Variants in SLC4A10 observed in about 807,000 individuals in gnomAD.
SLC4A10 encodes solute carrier family 4 member 10, also known as sodium-driven chloride bicarbonate exchanger.
In SLC4A10, 42 loss-of-function variants were observed where a neutral mutation model predicts 137.7. The ratio of observed to expected loss-of-function variants is 0.30; its 90% CI spans 0.24 to 0.39. The LOEUF (loss-of-function observed/expected upper bound fraction) is 0.39. Among genes scored for constraint, SLC4A10 ranks in the 10% least tolerant of loss-of-function variants. The probability of loss-of-function intolerance (pLI) is 1.00; values close to 1 mark genes in which losing one functional copy is unlikely to be tolerated. For missense variants in SLC4A10, 925 were observed against 1,355.0 expected, an observed-to-expected ratio of 0.68 and a Z score of 4.98; for synonymous variants, 474 against 464.1, an observed-to-expected ratio of 1.02 and a Z score of -0.27.
chr2:161,910,342 C>G (rs1349936058), intron 15 of SLC4A10, among the ~76,000 whole-genome samples: 1 of 152,004 alleles, frequency 6.6e-6, no homozygotes. Context: ...TCAAGATCAT[C>G]TATTTAGTTT....
intron 2 of SLC4A10, 44 bp from the exon 3 acceptor site, chr2:161,804,405 G>A (rs770850151): frequency 6.3e-7 from 1 of 1,587,684 alleles, no homozygotes; most frequent in South Asian, 1.2e-5. Context: ...TCTGTGCCCT[G>A]GAATAATTCA....
intron 6 of SLC4A10, among the ~76,000 whole-genome samples, chr2:161,864,140 T>G (rs1435446818): frequency 2.0e-5 from 3 of 151,954 alleles, no homozygotes; most frequent in Non-Finnish European, 4.4e-5. Flanking sequence ...TGGCGGAGAT[T>G]GCAGTGAGCC....
intron 3 of SLC4A10, among the ~76,000 whole-genome samples, chr2:161,835,031 CTA>C (rs1187798723): frequency 1.7e-5 from 2 of 117,562 alleles, no homozygotes; most frequent in Admixed American, 1.1e-4. Flanking sequence ...ACCCTTAAGA[CTA>C]TATGTCTTTT....
intron 2 of SLC4A10, among the ~76,000 whole-genome samples, chr2:161,789,057 A>C (rs910941368): frequency 1.3e-5 from 2 of 152,212 alleles, no homozygotes; most frequent in African/African-American, 4.8e-5. Context: ...TGGCAACACA[A>C]GGACTAAGGT....
chr2:161,760,039 C>T (rs1469489954), intron 1 of SLC4A10, among the ~76,000 whole-genome samples: 1 of 151,868 alleles, frequency 6.6e-6, no homozygotes, highest in African/African-American at 2.4e-5. Flanking sequence ...TCTACTGTTT[C>T]AAATAATGTG....
Position 161,720,030 on chromosome 2 carries a change from C to G in SLC4A10, c.49-50943C>G, listed in dbSNP as rs2045455304. Reference sequence around the variant, plus strand: ...TTCTAGGGTTTTTATGGTTTTAGGTCTAACATTTAAGTCTTTAATCCATCT... The same window carrying G: ...TTCTAGGGTTTTTATGGTTTTAGGTGTAACATTTAAGTCTTTAATCCATCT... On this transcript the variant is annotated intron_variant, in intron 1 of 26. Transcript: ENST00000446997. Among the ~76,000 whole-genome samples, 4 of 152,096 alleles carry G rather than the reference C, an allele frequency of 2.6e-5. No individual in the cohort carries two copies. In the South Asian group the frequency reaches 6.2e-4, roughly 24 times the overall value.
At chr2:161,956,326 T>C (rs1241235965) in intron 19 of SLC4A10, among the ~76,000 whole-genome samples, 1 of 152,202 alleles carries the variant, frequency 6.6e-6, no homozygotes, top group African/African-American at 2.4e-5. Context: ...CCAGGCAGTC[T>C]GACTCCAGAA....
At chr2:161,752,917 C>CA (rs773841185) in intron 1 of SLC4A10, among the ~76,000 whole-genome samples, 7 of 151,716 alleles carry the variant, frequency 4.6e-5, no homozygotes, top group African/African-American at 9.7e-5. Context: ...GTTTTTACCA[C>CA]AAAAAAATGA....
intron 1 of SLC4A10, among the ~76,000 whole-genome samples, chr2:161,655,728 A>G (rs1024835533): frequency 2.6e-5 from 4 of 152,316 alleles, no homozygotes; most frequent in Middle Eastern, 6.8e-3. Context: ...AAGACATTAT[A>G]AGAGAAAACT....
intron 1 of SLC4A10, among the ~76,000 whole-genome samples, chr2:161,759,337 G>A (rs999166328): frequency 6.6e-6 from 1 of 151,908 alleles, no homozygotes; most frequent in Admixed American, 6.6e-5. Flanking sequence ...TGTGTGGTGC[G>A]AACACTTAAG....
chr2:161,903,938 T>A, intron 12 of SLC4A10, 66 bp from the exon 13 acceptor site: 1 of 1,463,388 alleles, frequency 6.8e-7, no homozygotes, highest in South Asian at 1.4e-5. Context: ...ACAAAGCAAA[T>A]GAGCATTTTG....
chr2:161,675,394 C>T (rs2040175593), intron 1 of SLC4A10, among the ~76,000 whole-genome samples: 2 of 152,084 alleles, frequency 1.3e-5, no homozygotes, highest in South Asian at 2.1e-4. Context: ...AAACAGCAAC[C>T]CAAGGTTTCC....
At chr2:161,631,869 A>G (rs915343281) in intron 1 of SLC4A10, among the ~76,000 whole-genome samples, 2 of 151,746 alleles carry the variant, frequency 1.3e-5, no homozygotes, top group Non-Finnish European at 3.0e-5. Flanking sequence ...TCAGTTGGAT[A>G]GAGTGAGGAT....
chr2:161,689,065 G>A (rs994974594), intron 1 of SLC4A10, among the ~76,000 whole-genome samples: 5 of 151,860 alleles, frequency 3.3e-5, no homozygotes, highest in Non-Finnish European at 5.9e-5. Flanking sequence ...AAATATATTG[G>A]TACAGCTGTA....
intron 15 of SLC4A10, among the ~76,000 whole-genome samples, chr2:161,925,871 T>A (rs929875682): frequency 3.3e-5 from 5 of 152,240 alleles, no homozygotes; most frequent in African/African-American, 4.8e-5. Context: ...TTTGAGTGAG[T>A]TTCTTAATCC....
chr2:161,900,962 G>T lies in SLC4A10; in HGVS notation c.1393G>T (p.Ala465Ser). The T allele has an allele frequency of 1.3e-6, 2 of 1,569,488 alleles. No homozygotes were observed. Among genetic ancestry groups the T allele is most frequent in the Non-Finnish European group, 1.7e-6 (2 of 1,156,552 alleles). ...AAATGGAACAGCAGCTCATGGGGAA[G>T]CAGAGCCCCACGGAGGACATAGTGG... Reference protein sequence around the residue: ...VPNGTAAHGEAEPHGGHSGPE... With the variant: ...VPNGTAAHGESEPHGGHSGPE... The change falls in exon 12 of 27, where the codon GCA becomes TCA. Residue 465 changes from alanine (A) to serine (S), a missense_variant. Ala to Ser is a moderately conservative substitution (Grantham distance 99). Around this residue, in one of 11 missense-constraint regions of SLC4A10, gnomAD observed 61 missense variants for 59.0 expected, o/e 1.03. Coordinates refer to ENST00000446997, the MANE Select transcript of SLC4A10 (RefSeq NM_001178015.2).
chr2:161,770,291 G>A (rs893373965), intron 1 of SLC4A10, among the ~76,000 whole-genome samples: 1 of 151,708 alleles, frequency 6.6e-6, no homozygotes, highest in Non-Finnish European at 1.5e-5. Context: ...ATTATTTTTT[G>A]AGTACCAAAT....
intron 2 of SLC4A10, among the ~76,000 whole-genome samples, chr2:161,793,006 T>C (rs982239752): frequency 2.0e-5 from 3 of 152,156 alleles, no homozygotes; most frequent in Admixed American, 6.6e-5. Context: ...ATACCCATAA[T>C]CTTAGCAGTA....
chr2:161,662,638 C>A (rs2038572646), intron 1 of SLC4A10, among the ~76,000 whole-genome samples: 1 of 152,112 alleles, frequency 6.6e-6, no homozygotes, highest in Non-Finnish European at 1.5e-5. Context: ...AAAATTGAAA[C>A]CAGTACATTT....
Sources: gnomAD v4.1 joint callset for allele counts (sites outside exome capture counted in the v4.1 genomes callset) on GRCh38, gnomAD v4.1.1 for gene constraint, gnomAD v4.1.1 regional missense constraint, MANE v1.5 for transcripts, NCBI Gene and HGNC (gene_info 2026-07-23, HGNC 2026-07-21) for gene names.